Variants in TULP4 observed in about 807,000 individuals in gnomAD.
TULP4 encodes the protein tubby-related protein 4.
TULP4 carries 16 observed loss-of-function variants against 129.0 expected under a neutral mutation model. That is an observed-to-expected ratio of 0.12 (90% CI 0.08 to 0.19). The LOEUF (loss-of-function observed/expected upper bound fraction) is 0.19. Among genes scored for constraint, TULP4 ranks in the 10% least tolerant of loss-of-function variants. TULP4 has a pLI of 1.00. For missense variants in TULP4, 1,842 were observed against 2,059.1 expected (o/e 0.89, Z 2.04); for synonymous variants, 998 against 854.0 (o/e 1.17, Z -2.94).
intron 3 of TULP4, among the ~76,000 whole-genome samples, chr6:158,439,700 C>CTTTTTTTTTTTTTTTTTT (rs71030170): frequency 1.5e-5 from 1 of 68,248 alleles, no homozygotes; most frequent in African/African-American, 6.0e-5. Flanking sequence ...ACTAGAGTTT[C>CTTTTTTTTTTTTTTTTTT]TTTTTTTTTT....
rs143750528 is a variant in TULP4 at position 158,509,799 on chromosome 6, C to G, written c.*3105C>G. On this transcript the variant is annotated 3_prime_UTR_variant, in exon 14 of 14. Transcript: ENST00000367097. ...CTGCCCTCCTGCGCCAAGGCAGACACAAGCTGCGGGCTGTGCGGTCCTAGT... is the reference window on the plus strand; with the variant it reads ...CTGCCCTCCTGCGCCAAGGCAGACAGAAGCTGCGGGCTGTGCGGTCCTAGT... 6.6e-6 allele frequency: 1 copy of G among 152,264 alleles called. No individual in the cohort carries two copies. The highest frequency in any genetic ancestry group is 6.5e-5 in the Admixed American group (1 of 15,282). The allele number at this position is 152,264 out of a possible 1,614,324, so 9.4% of individuals were successfully genotyped here. A position where few individuals can be genotyped will look rare whatever the true frequency, so the allele number is the denominator to read the frequency against.
chr6:158,359,819 T>C (rs1436355597), intron 1 of TULP4, among the ~76,000 whole-genome samples: 1 of 152,222 alleles, frequency 6.6e-6, no homozygotes, highest in Non-Finnish European at 1.5e-5. Context: ...AGAATTTATC[T>C]TCTCTTCCCA....
At chr6:158,401,825 T>TA (rs201290204) in intron 1 of TULP4, among the ~76,000 whole-genome samples, 1,735 of 152,188 alleles carry the variant, frequency 0.011, 20 homozygotes, top group Non-Finnish European at 0.016. Flanking sequence ...TTTTTCATTT[T>TA]AAAAAATATA....
At chr6:158,392,823 ATGGAGT>A (rs568918981) in intron 1 of TULP4, among the ~76,000 whole-genome samples, 47 of 11,720 alleles carry the variant, frequency 4.0e-3, no homozygotes, top group African/African-American at 0.018. Context: ...TTTTTTTGAG[ATGGAGT>A]CTCGCTCCAT....
At chr6:158,342,839 A>G (rs1780212254) in intron 1 of TULP4, among the ~76,000 whole-genome samples, 2 of 152,338 alleles carry the variant, frequency 1.3e-5, no homozygotes, top group Middle Eastern at 3.4e-3. Context: ...CGAATAATGT[A>G]TATTTATTTC....
At chr6:158,393,036 G>A (rs1777624715) in intron 1 of TULP4, among the ~76,000 whole-genome samples, 1 of 151,690 alleles carries the variant, frequency 6.6e-6, no homozygotes, top group African/African-American at 2.4e-5. Flanking sequence ...AGATACAGTG[G>A]GGGTACATTT....
chr6:158,295,885 C>T (rs555803531), intron 1 of TULP4, among the ~76,000 whole-genome samples: 30 of 151,868 alleles, frequency 2.0e-4, no homozygotes, highest in African/African-American at 4.4e-4. Flanking sequence ...AATGAGACTC[C>T]GTCTCAAAAG....
At chr6:158,308,945 A>ACCTC (rs1779276354), upstream of TULP4, among the ~76,000 whole-genome samples, 1 of 97,078 alleles carries the variant, frequency 1.0e-5, no homozygotes, top group Non-Finnish European at 2.1e-5. Flanking sequence ...TGACCCACCC[A>ACCTC]CCTCCCTCCC....
intron 1 of TULP4, among the ~76,000 whole-genome samples, chr6:158,340,972 T>A (rs552435529): frequency 6.6e-6 from 1 of 152,286 alleles, no homozygotes; most frequent in Non-Finnish European, 1.5e-5. Context: ...TTTGTTTGTT[T>A]AAGCCTTTGC....
rs1388649023 is a variant in TULP4 at position 158,331,720 on chromosome 6, C to CGTATAT, written c.252+17452_252+17453insGTATAT. Among the ~76,000 whole-genome samples, 13 of 48,164 alleles carry CGTATAT rather than the reference C, an allele frequency of 2.7e-4. 1 individual carries two copies. Among genetic ancestry groups the CGTATAT allele is most frequent in the South Asian group, 8.4e-4 (1 of 1,192 alleles). The allele number at this position is 48,164 out of a possible 152,430, so 31.6% of individuals were successfully genotyped here. On this transcript the variant is annotated intron_variant, in intron 1 of 13. Transcript: ENST00000367097. ...ACACACACACACACACACACACACACACACACACATACGTATATATATACG... is the reference window on the plus strand; with the variant it reads ...ACACACACACACACACACACACACACGTATATACACACACATACGTATATATATACG...
chr6:158,345,765 C>T (rs1780291090), intron 1 of TULP4, among the ~76,000 whole-genome samples: 1 of 152,180 alleles, frequency 6.6e-6, no homozygotes, highest in African/African-American at 2.4e-5. Flanking sequence ...TAACAGAAAG[C>T]AGGGTTCAAG....
chr6:158,494,609 A>G, intron 10 of TULP4, 144 bp from the exon 11 acceptor site: 2 of 721,838 alleles, frequency 2.8e-6, no homozygotes, highest in Middle Eastern at 3.2e-4. Context: ...TGATCTTGCA[A>G]ATGGTAGATG....
intron 1 of TULP4, among the ~76,000 whole-genome samples, chr6:158,388,423 G>A (rs1317161637): frequency 7.9e-5 from 10 of 127,372 alleles, no homozygotes; most frequent in South Asian, 5.4e-4. Context: ...TCCACCTCCC[G>A]GGTTCACACC....
At chr6:158,391,968 A>C (rs893262474) in intron 1 of TULP4, among the ~76,000 whole-genome samples, 1 of 152,184 alleles carries the variant, frequency 6.6e-6, no homozygotes, top group Admixed American at 6.5e-5. Flanking sequence ...AAATGTTATG[A>C]AGTATATTAG....
chr6:158,362,600 T>A (rs1442564802), intron 1 of TULP4, among the ~76,000 whole-genome samples: 6 of 152,200 alleles, frequency 3.9e-5, no homozygotes. Context: ...TCTTCCTGCA[T>A]TGGACTCCCA....
chr6:158,260,904 C>T (rs62437149), intron 1 of TULP4, among the ~76,000 whole-genome samples: 49,409 of 150,900 alleles, frequency 0.33, 9,015 homozygotes, highest in Admixed American at 0.44. Context: ...CACTGCAACC[C>T]CCGCCTCCCA....
At chr6:158,440,187 G>C (rs1216423397) in intron 3 of TULP4, among the ~76,000 whole-genome samples, 2 of 151,752 alleles carry the variant, frequency 1.3e-5, no homozygotes, top group Non-Finnish European at 2.9e-5. Context: ...GGGTGTGGGG[G>C]CACACATATA....
At chr6:158,471,520 C>G (rs1779682202) in intron 6 of TULP4, among the ~76,000 whole-genome samples, 2 of 152,180 alleles carry the variant, frequency 1.3e-5, no homozygotes, top group South Asian at 4.1e-4. Context: ...AAGACATGTT[C>G]AAGAGGAGGT....
At position 158,502,851 on chromosome 6, in the gene TULP4, C is replaced by T. The variant is rs1293748567; in HGVS notation, c.3188C>T (p.Ala1063Val). 2 of 1,613,692 alleles carry T rather than the reference C, an allele frequency of 1.2e-6. No individual in the cohort carries two copies. The highest frequency in any genetic ancestry group is 1.1e-5 in the South Asian group (1 of 91,080). ...CATACCGCCAGCGCCTCCCCGTTGG[C>T]CTCCCAGTCCTCCTACAGCCTCCTG... ...LAHTASASPLASQSSYSLLSP... is the reference protein window; with the variant it reads ...LAHTASASPLVSQSSYSLLSP... Residue 1063 changes from alanine to valine, a missense_variant, in exon 13 of 14, where the codon GCC (alanine) becomes GTC (valine). Transcript: ENST00000367097.
Sources: allele counts gnomAD v4.1 joint callset (sites outside exome capture counted in the v4.1 genomes callset), GRCh38; gene constraint gnomAD v4.1.1; transcripts MANE v1.5; gene names NCBI Gene and HGNC (gene_info 2026-07-23, HGNC 2026-07-21).